The following STAG1 variants were observed in gnomAD, a reference collection of about 807,000 sequenced individuals.
STAG1 encodes cohesin subunit SA-1.
Under a neutral mutation model 170.9 loss-of-function variants are expected in STAG1, and 26 were observed. The observed-to-expected ratio is 0.15, with a 90% CI of 0.11 to 0.21. STAG1 has a LOEUF of 0.21. Ranked by LOEUF, STAG1 falls within the 10% of genes least tolerant of loss-of-function variation. The probability of loss-of-function intolerance (pLI) is 1.00; values close to 1 mark genes in which losing one functional copy is unlikely to be tolerated. For missense variants in STAG1, 964 were observed against 1,509.5 expected (o/e 0.64, Z 5.99); for synonymous variants, 514 against 497.7 (o/e 1.03, Z -0.44).
chr3:136,673,081 T>C (rs181151343), intron 1 of STAG1, among the ~76,000 whole-genome samples: 3 of 152,320 alleles, frequency 2.0e-5, no homozygotes, highest in East Asian at 1.9e-4. Context: ...TTCTACTGGA[T>C]TGAAAAAGGG....
rs568158219 is a variant in STAG1 at position 136,374,415 on chromosome 3, C to T, written c.2370+3245G>A. On this transcript the variant is annotated intron_variant, in intron 23 of 33. Transcript: ENST00000383202. ...GGAGGATCACCTGAGGTTGGGAATT[C>T]GAGACCAGCCTGACCAACATGGAGA... Among the ~76,000 whole-genome samples the T allele has an allele frequency of 7.2e-5, 11 of 152,164 alleles. 1 individual carries two copies. Among genetic ancestry groups the T allele is most frequent in the South Asian group, 2.1e-4 (1 of 4,828 alleles).
chr3:136,529,768 C>G (rs1428419666), intron 6 of STAG1, among the ~76,000 whole-genome samples: 1 of 152,046 alleles, frequency 6.6e-6, no homozygotes, highest in Non-Finnish European at 1.5e-5. Context: ...TCAAATGACA[C>G]TGCTACAGAA....
chr3:136,695,167 C>T (rs182376164), intron 1 of STAG1, among the ~76,000 whole-genome samples: 240 of 152,286 alleles, frequency 1.6e-3, no homozygotes, highest in African/African-American at 5.6e-3. Flanking sequence ...ATGAAGGCCA[C>T]TGTAATCTCA....
intron 7 of STAG1, among the ~76,000 whole-genome samples, chr3:136,517,181 T>C (rs779835198): frequency 6.6e-6 from 1 of 152,218 alleles, no homozygotes; most frequent in Non-Finnish European, 1.5e-5. Flanking sequence ...TGATAAGCAC[T>C]GATGAAGACT....
Position 136,336,771 on chromosome 3 carries a change from C to CCAT in STAG1, c.*1480_*1482dup, listed in dbSNP as rs1314890984. Reference sequence around the variant, plus strand: ...TTACTAAAAGGATGAATAAAATCATCCATCATCATCTTGCTTTCCCGCACA... The same window carrying CCAT: ...TTACTAAAAGGATGAATAAAATCATCCATCATCATCATCTTGCTTTCCCGCACA... On this transcript the variant is annotated 3_prime_UTR_variant, in exon 34 of 34. Transcript: ENST00000383202. The CCAT allele has an allele frequency of 2.6e-5, 4 of 152,210 alleles. No homozygotes were observed. The highest frequency in any genetic ancestry group is 7.2e-5 in the African/African-American group (3 of 41,450). The allele number at this position is 152,210 out of a possible 1,614,324, so 9.4% of individuals were successfully genotyped here. A position where few individuals can be genotyped will look rare whatever the true frequency, so the allele number is the denominator to read the frequency against.
intron 4 of STAG1, among the ~76,000 whole-genome samples, chr3:136,575,414 G>A (rs1038970343): frequency 1.3e-5 from 2 of 152,074 alleles, no homozygotes; most frequent in African/African-American, 2.4e-5. Context: ...TGGTAGAGAC[G>A]GGATTTCGCC....
intron 22 of STAG1, among the ~76,000 whole-genome samples, chr3:136,385,233 G>C (rs2086840616): frequency 6.6e-6 from 1 of 152,112 alleles, no homozygotes; most frequent in Non-Finnish European, 1.5e-5. Flanking sequence ...AGGAACGCTT[G>C]AGGCCAGGAG....
rs1307438430 is a variant in STAG1, at chr3:136,538,839, A to T, written c.471+3280T>A. ...GTTTTCACTATTAGGATTATAGTTT[A>T]AAAAATGTTTTAGTGGCTGGGAGCG... On this transcript the variant is annotated intron_variant, in intron 6 of 33. Coordinates refer to ENST00000383202, the MANE Select transcript of STAG1 (RefSeq NM_005862.3). Among the ~76,000 whole-genome samples the T allele has an allele frequency of 1.3e-4, 20 of 152,182 alleles. 1 individual carries two copies. Among genetic ancestry groups the T allele is most frequent in the Admixed American group, 1.3e-3 (20 of 15,282 alleles).
chr3:136,687,155 T>A (rs1399171871), intron 1 of STAG1, among the ~76,000 whole-genome samples: 1 of 152,226 alleles, frequency 6.6e-6, no homozygotes, highest in Non-Finnish European at 1.5e-5. Context: ...TTTAATTGAC[T>A]GAGACATTAT....
intron 1 of STAG1, among the ~76,000 whole-genome samples, chr3:136,714,958 TA>T (rs1468407583): frequency 5.7e-4 from 40 of 69,790 alleles, no homozygotes; most frequent in African/African-American, 1.3e-3. Context: ...TATATATATA[TA>T]TATATTTTAT....
chr3:136,674,224 G>C (rs901663747), intron 1 of STAG1, among the ~76,000 whole-genome samples: 1 of 144,206 alleles, frequency 6.9e-6, no homozygotes, highest in Admixed American at 6.9e-5. Context: ...TAATTCAAAA[G>C]AGCCCAAAAT....
intron 4 of STAG1, among the ~76,000 whole-genome samples, chr3:136,594,989 C>G (rs1307880207): frequency 6.6e-6 from 1 of 152,114 alleles, no homozygotes; most frequent in Admixed American, 6.5e-5. Flanking sequence ...AGGCTAGTCT[C>G]GAACTCCTGG....
chr3:136,430,267 A>G (rs568088560), intron 16 of STAG1: 1 of 152,272 alleles, frequency 6.6e-6, no homozygotes, highest in East Asian at 1.9e-4. Context: ...ACCCTTAAAT[A>G]TTTCAGCATA....
chr3:136,559,151 A>ATCTATCTATCTG lies in STAG1; in HGVS notation c.394+9613_394+9614insCAGATAGATAGA, dbSNP rs138299802. Among the ~76,000 whole-genome samples, 1,316 of 152,006 alleles carry ATCTATCTATCTG rather than the reference A, an allele frequency of 8.7e-3. 8 individuals are homozygous for ATCTATCTATCTG. Among genetic ancestry groups the ATCTATCTATCTG allele is most frequent in the South Asian group, 0.012 (59 of 4,804 alleles). Reference sequence around the variant, plus strand: ...TATCTATCTATCTATCTATCTATCTATCTATCTATCTATATACGTACACAC... The same window carrying ATCTATCTATCTG: ...TATCTATCTATCTATCTATCTATCTATCTATCTATCTGTCTATCTATCTATATACGTACACAC... On this transcript the variant is annotated intron_variant, in intron 5 of 33. Transcript: ENST00000383202.
intron 29 of STAG1, among the ~76,000 whole-genome samples, chr3:136,345,894 A>G (rs963535796): frequency 6.6e-6 from 1 of 152,176 alleles, no homozygotes; most frequent in African/African-American, 2.4e-5. Context: ...TCTGAAGCTC[A>G]CTACTCAATC....
At chr3:136,624,825 C>CA (rs1940026382) in intron 2 of STAG1, among the ~76,000 whole-genome samples, 2 of 152,142 alleles carry the variant, frequency 1.3e-5, no homozygotes, top group Non-Finnish European at 2.9e-5. Context: ...TGGGAAGTGA[C>CA]AAACAGTAGT....
At chr3:136,750,001 A>C (rs897990586) in intron 1 of STAG1, among the ~76,000 whole-genome samples, 1 of 152,054 alleles carries the variant, frequency 6.6e-6, no homozygotes, top group Non-Finnish European at 1.5e-5. Context: ...ACAAGAACGT[A>C]TCTTTCCCAG....
chr3:136,735,931 C>T (rs557144994), intron 1 of STAG1, among the ~76,000 whole-genome samples: 3 of 152,194 alleles, frequency 2.0e-5, no homozygotes, highest in Non-Finnish European at 2.9e-5. Flanking sequence ...CCTCATGCCA[C>T]GCTGATTGGT....
At chr3:136,597,545 T>C (rs1372456856) in intron 4 of STAG1, among the ~76,000 whole-genome samples, 2 of 152,180 alleles carry the variant, frequency 1.3e-5, no homozygotes, top group East Asian at 3.8e-4. Context: ...TTTTATTAGA[T>C]TTTTATTTTG....
Sources: allele counts gnomAD v4.1 joint callset (sites outside exome capture counted in the v4.1 genomes callset), GRCh38; gene constraint gnomAD v4.1.1; transcripts MANE v1.5; gene names NCBI Gene and HGNC (gene_info 2026-07-23, HGNC 2026-07-21).